Variants in VAV3 observed in about 807,000 individuals in gnomAD.
VAV3 encodes the protein vav guanine nucleotide exchange factor 3.
VAV3 carries 94 observed loss-of-function variants against 131.2 expected under a neutral mutation model. The ratio of observed to expected loss-of-function variants is 0.72; its 90% CI spans 0.61 to 0.85. The LOEUF (loss-of-function observed/expected upper bound fraction) is 0.85, where lower values mean the gene tolerates loss of function less well. Among genes scored for constraint, VAV3 ranks in the 40% least tolerant of loss-of-function variants. The pLI, the probability that VAV3 is intolerant of heterozygous loss-of-function variation, is 0.00. For synonymous variants in VAV3, 349 were observed against 342.0 expected, an observed-to-expected ratio of 1.02 and a Z score of -0.22; for missense variants, 939 against 1,002.7, an observed-to-expected ratio of 0.94 and a Z score of 0.86.
At chr1:107,876,086 A>AC (rs1557896315) in intron 1 of VAV3, among the ~76,000 whole-genome samples, 1 of 152,194 alleles carries the variant, frequency 6.6e-6, no homozygotes, top group Non-Finnish European at 1.5e-5. Flanking sequence ...GAGTCTTAGT[A>AC]AGAGTGACCA....
chr1:107,772,115 A>G (rs1665083073), intron 5 of VAV3, among the ~76,000 whole-genome samples: 1 of 152,234 alleles, frequency 6.6e-6, no homozygotes, highest in Non-Finnish European at 1.5e-5. Flanking sequence ...TAAGCAACTG[A>G]CTTTTTCTGT....
chr1:107,922,944 T>A (rs111756353), intron 1 of VAV3, among the ~76,000 whole-genome samples: 9,169 of 128,070 alleles, frequency 0.072, 778 homozygotes, highest in African/African-American at 0.22. Flanking sequence ...AGAGCGAGAC[T>A]CCGTCTCAAA....
chr1:107,710,620 G>T (rs578137784), intron 15 of VAV3, among the ~76,000 whole-genome samples: 2 of 151,796 alleles, frequency 1.3e-5, no homozygotes, highest in Non-Finnish European at 2.9e-5. Context: ...CTCTCTTCTT[G>T]CATCCTTCTA....
intron 20 of VAV3, among the ~76,000 whole-genome samples, chr1:107,639,674 T>A (rs958282544): frequency 1.3e-5 from 2 of 152,166 alleles, no homozygotes; most frequent in African/African-American, 4.8e-5. Flanking sequence ...TTTAAAAGAC[T>A]GGCTCATGCT....
intron 12 of VAV3, among the ~76,000 whole-genome samples, chr1:107,754,961 A>C (rs1028547073): frequency 1.3e-5 from 2 of 152,032 alleles, no homozygotes; most frequent in Non-Finnish European, 2.9e-5. Context: ...CACAGCACTA[A>C]TCTCAATATG....
intron 2 of VAV3, among the ~76,000 whole-genome samples, chr1:107,799,284 C>T (rs1248336014): frequency 6.6e-6 from 1 of 151,176 alleles, no homozygotes; most frequent in African/African-American, 2.4e-5. Context: ...TCTTTATTTG[C>T]CTTTTCTGTT....
intron 2 of VAV3, among the ~76,000 whole-genome samples, chr1:107,830,767 A>G (rs1185469126): frequency 6.6e-6 from 1 of 152,192 alleles, no homozygotes; most frequent in Non-Finnish European, 1.5e-5. Context: ...CAGGGTGACA[A>G]CTATGTTACC....
intron 17 of VAV3, among the ~76,000 whole-genome samples, chr1:107,700,714 G>A (rs543059682): frequency 9.1e-4 from 138 of 152,236 alleles, no homozygotes; most frequent in African/African-American, 3.2e-3. Context: ...TGGGCATTTG[G>A]GCTGATTCCG....
chr1:107,842,113 T>C (rs1668739912), intron 2 of VAV3, among the ~76,000 whole-genome samples: 1 of 152,146 alleles, frequency 6.6e-6, no homozygotes, highest in Non-Finnish European at 1.5e-5. Flanking sequence ...TTAAAGAGAA[T>C]ACTGAAAAAC....
chr1:107,808,768 T>G (rs577437209), intron 2 of VAV3, among the ~76,000 whole-genome samples: 1 of 152,292 alleles, frequency 6.6e-6, no homozygotes, highest in East Asian at 1.9e-4. Context: ...GAGGCTACAA[T>G]GCATTTAGTC....
intron 2 of VAV3, among the ~76,000 whole-genome samples, chr1:107,866,704 C>T (rs1311566911): frequency 6.6e-6 from 1 of 151,124 alleles, no homozygotes; most frequent in Non-Finnish European, 1.5e-5. Context: ...ACACTTGCAG[C>T]CCCAGCTACT....
intron 1 of VAV3, among the ~76,000 whole-genome samples, chr1:107,894,453 T>G (rs1407030423): frequency 6.6e-6 from 1 of 152,066 alleles, no homozygotes; most frequent in Admixed American, 6.5e-5. Context: ...ACATCACAAT[T>G]AAAACAAGCT....
chr1:107,744,536 T>G (rs971235165), intron 15 of VAV3, among the ~76,000 whole-genome samples: 3 of 152,240 alleles, frequency 2.0e-5, no homozygotes, highest in African/African-American at 7.2e-5. Flanking sequence ...CCACATGTGA[T>G]GCTTATGGTA....
intron 1 of VAV3, among the ~76,000 whole-genome samples, chr1:107,941,807 C>T (rs1330338076): frequency 6.6e-6 from 1 of 152,082 alleles, no homozygotes; most frequent in Non-Finnish European, 1.5e-5. Context: ...ACATATTCCT[C>T]AATGTTTTAT....
At chr1:107,867,119 G>C (rs1571066463) in intron 2 of VAV3, among the ~76,000 whole-genome samples, 1 of 152,140 alleles carries the variant, frequency 6.6e-6, no homozygotes, top group East Asian at 1.9e-4. Flanking sequence ...ACAATATGCA[G>C]TGTTTACCAA....
intron 2 of VAV3, among the ~76,000 whole-genome samples, chr1:107,832,400 G>A (rs544841092): frequency 2.0e-5 from 3 of 152,268 alleles, no homozygotes; most frequent in South Asian, 2.1e-4. Flanking sequence ...AAGAACCTTC[G>A]AAAATGTTTG....
intron 7 of VAV3, 122 bp downstream of exon 7, chr1:107,768,319 T>C (rs1664848151): frequency 1.5e-6 from 1 of 680,922 alleles, no homozygotes; most frequent in East Asian, 3.2e-5. Context: ...AAAAAATAAA[T>C]AAATAAGGCC....
At chr1:107,859,807 G>A (rs941229109) in intron 2 of VAV3, among the ~76,000 whole-genome samples, 16 of 152,134 alleles carry the variant, frequency 1.1e-4, no homozygotes, top group Non-Finnish European at 1.5e-4. Flanking sequence ...CAAAAGTAAT[G>A]TCTGAACCTT....
intron 22 of VAV3, among the ~76,000 whole-genome samples, chr1:107,607,605 G>A (rs1652385297): frequency 6.6e-6 from 1 of 152,102 alleles, no homozygotes; most frequent in East Asian, 1.9e-4. Context: ...GCAGGAAAGG[G>A]CAATTTGTCC....
Sources: allele counts gnomAD v4.1 joint callset (sites outside exome capture counted in the v4.1 genomes callset), GRCh38; gene constraint gnomAD v4.1.1; transcripts MANE v1.5; gene names NCBI Gene and HGNC (gene_info 2026-07-23, HGNC 2026-07-21).